Variants in TMEM67 observed in about 807,000 individuals in gnomAD.
The protein encoded by TMEM67 is transmembrane protein 67.
Under a neutral mutation model 136.6 loss-of-function variants are expected in TMEM67, and 124 were observed. The ratio of observed to expected loss-of-function variants is 0.91; its 90% confidence interval spans 0.78 to 1.05. The LOEUF is 1.05. Ranked by LOEUF, TMEM67 falls within the 50% of genes least tolerant of loss-of-function variation. The pLI is 0.00. For synonymous variants in TMEM67, 364 were observed against 390.5 expected (o/e 0.93, Z 0.80); for missense variants, 1,107 against 1,178.4 (o/e 0.94, Z 0.89).
intron 18 of TMEM67, 40 bp downstream of exon 18, chr8:93,796,027 G>C: frequency 8.0e-7 from 1 of 1,244,330 alleles, no homozygotes; most frequent in Non-Finnish European, 1.2e-6. Flanking sequence ...TAAAAGGCCT[G>C]CTAATGAACT....
At chr8:93,792,273 G>A (rs1400968949) in intron 15 of TMEM67, among the ~76,000 whole-genome samples, 1 of 152,040 alleles carries the variant, frequency 6.6e-6, no homozygotes, top group Non-Finnish European at 1.5e-5. Context: ...GCTGGTTTAA[G>A]CAATTCCCCT....
At chr8:93,785,910 C>CA (rs1293815872) in intron 12 of TMEM67, 111 of 332,688 alleles carry the variant, frequency 3.3e-4, no homozygotes, top group East Asian at 8.1e-4. Context: ...CTGGTTGCTA[C>CA]AAAAAAAAAT....
chr8:93,800,391 A>G (rs1010958369), intron 21 of TMEM67, among the ~76,000 whole-genome samples: 2 of 152,078 alleles, frequency 1.3e-5, no homozygotes, highest in Admixed American at 6.5e-5. Context: ...ACAGAATGCA[A>G]ATTCTGCATC....
rs576306979 is a variant in TMEM67, at chr8:93,768,612, A to T, written c.651+2966A>T. Among the ~76,000 whole-genome samples the T allele has an allele frequency of 4.6e-5, 7 of 152,208 alleles. No individual in the cohort carries two copies. The East Asian group carries it at 9.7e-4, about 21-fold the overall frequency. On this transcript the variant is annotated intron_variant, in intron 6 of 27. Transcript: ENST00000453321. ...GCAACAGAACAAGACTCTGTCTCAA[A>T]AAAATAAAATAAAATAAAATAGCTC...
At chr8:93,774,101 G>T (rs184690717) in intron 7 of TMEM67, among the ~76,000 whole-genome samples, 201 of 151,366 alleles carry the variant, frequency 1.3e-3, no homozygotes, top group African/African-American at 4.8e-3. Context: ...TGCAACCTCC[G>T]CCTCCTGGGC....
chr8:93,793,150 C>T, intron 15 of TMEM67, 48 bp from the exon 16 acceptor site: 1 of 1,538,180 alleles, frequency 6.5e-7, no homozygotes, highest in Admixed American at 1.7e-5. Flanking sequence ...TTTTTGAACA[C>T]CGATGACAGA....
intron 21 of TMEM67, among the ~76,000 whole-genome samples, chr8:93,801,242 G>T (rs1044020535): frequency 6.6e-6 from 1 of 151,890 alleles, no homozygotes; most frequent in African/African-American, 2.4e-5. Flanking sequence ...TGTTTGTTTG[G>T]TTTTTGTTTT....
chr8:93,758,422 CATG>C, intron 2 of TMEM67, 58 bp from the exon 3 acceptor site: 1 of 1,283,104 alleles, frequency 7.8e-7, no homozygotes, highest in Admixed American at 1.7e-5. Context: ...TTTGAACTTA[CATG>C]ATTAGAAGAA....
chr8:93,768,263 T>A (rs1248442047), intron 6 of TMEM67, among the ~76,000 whole-genome samples: 1 of 129,254 alleles, frequency 7.7e-6, no homozygotes, highest in Admixed American at 8.0e-5. Flanking sequence ...AGCTAGGAAA[T>A]ATACACATAC....
At chr8:93,800,801 A>G (rs1255091666) in intron 21 of TMEM67, among the ~76,000 whole-genome samples, 1 of 152,192 alleles carries the variant, frequency 6.6e-6, no homozygotes, top group East Asian at 1.9e-4. Context: ...TTTATATGTA[A>G]ATACAGGGAC....
intron 11 of TMEM67, among the ~76,000 whole-genome samples, chr8:93,784,871 C>T (rs746048848): frequency 3.3e-5 from 5 of 152,218 alleles, no homozygotes; most frequent in Middle Eastern, 6.8e-3. Context: ...GAATTTATCC[C>T]GTAGGACAGT....
At chr8:93,789,670 A>T (rs7834889) in intron 14 of TMEM67, among the ~76,000 whole-genome samples, 111,036 of 137,998 alleles carry the variant, frequency 0.8, 44,784 homozygotes, top group East Asian at 0.91. Context: ...ATATATATAT[A>T]TTTTTTTTTT....
In TMEM67 at chr8:93,795,957, C is replaced by G. The variant is rs774478797; in HGVS notation, c.1830C>G (p.Val610=). Residue 610 remains valine, a synonymous_variant, in exon 18 of 28, where the codon GTC becomes GTG. Coordinates refer to ENST00000453321, the MANE Select transcript of TMEM67 (RefSeq NM_153704.6). ...LPMPIQEERF[V]TYVGCAFALK... is the part of the protein sequence containing the mutation. ...TGCCAATTCAGGAAGAACGTTTTGTCACTTATGTTGGATGTGCCTTTGCTC... is the reference window on the plus strand; with the variant it reads ...TGCCAATTCAGGAAGAACGTTTTGTGACTTATGTTGGATGTGCCTTTGCTC... 5 of 1,613,498 alleles carry G rather than the reference C, an allele frequency of 3.1e-6. No homozygotes were observed. In the South Asian group the frequency reaches 5.5e-5, roughly 18 times the overall value.
intron 11 of TMEM67, 101 bp downstream of exon 11, chr8:93,782,561 TTTA>T (rs1038363363): frequency 1.7e-4 from 157 of 939,674 alleles, no homozygotes; most frequent in Non-Finnish European, 3.2e-5. Flanking sequence ...TTGGAAATTT[TTTA>T]TTCTTGGTTT....
downstream of TMEM67, among the ~76,000 whole-genome samples, chr8:93,821,852 A>G (rs1345602756): frequency 2.0e-5 from 3 of 152,200 alleles, no homozygotes; most frequent in Admixed American, 1.3e-4. Flanking sequence ...AGATCACACC[A>G]TTGAACTCCA....
chr8:93,830,165 C>T, the TMEM67 span, among the ~76,000 whole-genome samples: 3 of 152,204 alleles, frequency 2.0e-5, no homozygotes, highest in South Asian at 4.2e-4. Flanking sequence ...CATGCCTATC[C>T]GAGGACATCT....
chr8:93,759,025 G>T (rs1812703246), intron 3 of TMEM67: 1 of 153,438 alleles, frequency 6.5e-6, no homozygotes, highest in South Asian at 2.0e-4. Context: ...AGGATTAGAT[G>T]GTTATTTCCT....
Position 93,795,513 on chromosome 8 carries a change from T to C in TMEM67, c.1773+6T>C, listed in dbSNP as rs1814571893. On this transcript the variant is annotated splice_donor_region_variant and intron_variant, in intron 17 of 27. Transcript: ENST00000453321. ...ACTGGCTTATTTTCTTCAAAGTGAGTGAGTTTCTGAATTTTCCCCAACTGC... is the reference window on the plus strand; with the variant it reads ...ACTGGCTTATTTTCTTCAAAGTGAGCGAGTTTCTGAATTTTCCCCAACTGC... The C allele has an allele frequency of 6.2e-7, 1 of 1,607,958 alleles. No homozygotes were observed. Among genetic ancestry groups the C allele is most frequent in the Non-Finnish European group, 8.5e-7 (1 of 1,174,496 alleles).
At chr8:93,831,361 A>G in the TMEM67 span, among the ~76,000 whole-genome samples, 9 of 152,386 alleles carry the variant, frequency 5.9e-5, no homozygotes, top group African/African-American at 1.2e-4. Context: ...CAGACATGGA[A>G]CTTGTTGAAA....
Sources: gnomAD v4.1 joint callset for allele counts (sites outside exome capture counted in the v4.1 genomes callset) on GRCh38, gnomAD v4.1.1 for gene constraint, MANE v1.5 for transcripts, NCBI Gene and HGNC (gene_info 2026-07-23, HGNC 2026-07-21) for gene names.